Variants in ITPR1 observed in about 807,000 individuals in gnomAD.
ITPR1 encodes inositol 1,4,5-trisphosphate-gated calcium channel ITPR1.
In ITPR1, 96 loss-of-function variants were observed where a neutral mutation model predicts 318.4. That is an observed-to-expected ratio of 0.30 (90% CI 0.26 to 0.36). The LOEUF (loss-of-function observed/expected upper bound fraction) is 0.36, where lower values mean the gene tolerates loss of function less well. Ranked by LOEUF, ITPR1 falls within the 10% of genes least tolerant of loss-of-function variation. The pLI, the probability that ITPR1 is intolerant of heterozygous loss-of-function variation, is 1.00. For missense variants in ITPR1, 2,440 were observed against 3,460.2 expected (o/e 0.71, Z 7.40); for synonymous variants, 1,312 against 1,289.9 (o/e 1.02, Z -0.37).
chr3:4,527,191 T>A (rs1349985553), intron 4 of ITPR1, among the ~76,000 whole-genome samples: 1 of 152,150 alleles, frequency 6.6e-6, no homozygotes, highest in Admixed American at 6.5e-5. Context: ...TTTGTAGTTT[T>A]ATGGAGACAA....
In ITPR1 at chr3:4,663,155, G is replaced by A; in HGVS notation, c.1503G>A (p.Lys501=). Residue 501 remains lysine (K), a synonymous_variant, in exon 16 of 62, where the codon AAG becomes AAA. Coordinates refer to ENST00000649015, the MANE Select transcript of ITPR1 (RefSeq NM_001378452.1). ...GQDVLEVVFS[K]PNRERQKLMR... ...ATGTTCTCGAAGTTGTCTTCTCCAA[G>A]CCCAACAGAGAACGGCAGAAACTGA... 1 of 1,613,764 alleles carries A rather than the reference G, an allele frequency of 6.2e-7. No homozygotes were observed. Among genetic ancestry groups the A allele is most frequent in the Non-Finnish European group, 8.5e-7 (1 of 1,179,772 alleles).
intron 30 of ITPR1, among the ~76,000 whole-genome samples, chr3:4,686,082 C>A (rs913352594): frequency 2.0e-5 from 3 of 152,150 alleles, no homozygotes; most frequent in Non-Finnish European, 4.4e-5. Flanking sequence ...CCTCAAGACA[C>A]GTGGATGAGA....
intron 39 of ITPR1, among the ~76,000 whole-genome samples, chr3:4,713,105 A>G (rs776355356): frequency 1.3e-5 from 2 of 152,172 alleles, no homozygotes; most frequent in Admixed American, 6.5e-5. Flanking sequence ...GGTACGGGGG[A>G]AGGCTGATGG....
intron 60 of ITPR1, among the ~76,000 whole-genome samples, chr3:4,833,980 C>T (rs1287545913): frequency 1.3e-5 from 2 of 152,206 alleles, no homozygotes; most frequent in Non-Finnish European, 2.9e-5. Flanking sequence ...CAGCTTCGAC[C>T]TCCTGGGCTC....
At chr3:4,837,003 C>T in intron 61 of ITPR1, 68 bp downstream of exon 61, 4 of 1,339,424 alleles carry the variant, frequency 3.0e-6, no homozygotes, top group Non-Finnish European at 4.0e-6. Flanking sequence ...TATCACCACA[C>T]CAAATCTGAT....
intron 4 of ITPR1, among the ~76,000 whole-genome samples, chr3:4,534,011 T>C (rs1415960055): frequency 6.6e-6 from 1 of 152,218 alleles, no homozygotes; most frequent in Non-Finnish European, 1.5e-5. Context: ...AACGTGCTCC[T>C]TGCATGTTTA....
At chr3:4,663,301 C>A in intron 16 of ITPR1, 95 bp downstream of exon 16, 2 of 1,194,876 alleles carry the variant, frequency 1.7e-6, no homozygotes, top group Non-Finnish European at 1.2e-6. Flanking sequence ...CTTTGGGAAG[C>A]CGAGGTGGGA....
At chr3:4,654,412 G>A (rs973995248) in intron 12 of ITPR1, among the ~76,000 whole-genome samples, 7 of 152,214 alleles carry the variant, frequency 4.6e-5, no homozygotes, top group African/African-American at 1.7e-4. Flanking sequence ...TGTATAGGAT[G>A]GTTTAGAATT....
intron 33 of ITPR1, among the ~76,000 whole-genome samples, chr3:4,694,559 C>T (rs1218143141): frequency 1.3e-5 from 2 of 152,164 alleles, no homozygotes; most frequent in Admixed American, 6.5e-5. Context: ...ATACAGCGCA[C>T]TTACACAAAC....
chr3:4,624,434 C>T (rs1159360139), intron 4 of ITPR1, among the ~76,000 whole-genome samples: 1 of 152,022 alleles, frequency 6.6e-6, no homozygotes, highest in Non-Finnish European at 1.5e-5. Flanking sequence ...TTTGGGAGGC[C>T]AAGGTGGGTG....
Position 4,696,673 on chromosome 3 carries a change from G to GTT in ITPR1, c.4282-456_4282-455dup, listed in dbSNP as rs10546052. Among the ~76,000 whole-genome samples the GTT allele has an allele frequency of 2.5e-3, 293 of 117,186 alleles. 6 individuals are homozygous for GTT. Among genetic ancestry groups the GTT allele is most frequent in the East Asian group, 0.018 (71 of 4,026 alleles). 76.9% of individuals were successfully genotyped at this position (117,186 alleles called of 152,430 possible). On this transcript the variant is annotated intron_variant, in intron 33 of 61. Coordinates refer to ENST00000649015, the MANE Select transcript of ITPR1 (RefSeq NM_001378452.1). ...ATTGAAGTTGAGCCCCTTGCCGTGT[G>GTT]TTTTTTTTTTTTTTTTTTTGACATT...
chr3:4,748,176 C>A (rs2044243941), intron 44 of ITPR1, among the ~76,000 whole-genome samples: 1 of 152,164 alleles, frequency 6.6e-6, no homozygotes, highest in African/African-American at 2.4e-5. Context: ...GTTGGCAGAG[C>A]TGGGATTTGA....
chr3:4,694,203 C>T (rs1472667888), intron 33 of ITPR1, among the ~76,000 whole-genome samples: 1 of 150,590 alleles, frequency 6.6e-6, no homozygotes, highest in Non-Finnish European at 1.5e-5. Context: ...TAATGAATAC[C>T]TAAGTTTTGA....
chr3:4,581,670 T>C (rs1408329757), intron 4 of ITPR1, among the ~76,000 whole-genome samples: 1 of 152,210 alleles, frequency 6.6e-6, no homozygotes, highest in East Asian at 1.9e-4. Flanking sequence ...AAACCATTTG[T>C]GATGCAAAAA....
At chr3:4,699,366 A>C (rs988517792) in intron 34 of ITPR1, among the ~76,000 whole-genome samples, 2 of 152,098 alleles carry the variant, frequency 1.3e-5, no homozygotes, top group African/African-American at 4.8e-5. Context: ...CAAAACAAAA[A>C]AAGGATTGGA....
At chr3:4,495,238 G>T (rs2080458515) in intron 2 of ITPR1, among the ~76,000 whole-genome samples, 1 of 145,234 alleles carries the variant, frequency 6.9e-6, no homozygotes, top group Admixed American at 6.9e-5. Context: ...TGGCTATCAG[G>T]AGTTTTTTCT....
rs191052204 is a variant in ITPR1, at chr3:4,779,235, G to A, written c.6292-315G>A. ...TCACCATGAGGGTGACAGTGTATCC[G>A]TAAGCACCCACGTGTAAATTCCCAA... On this transcript the variant is annotated intron_variant, in intron 48 of 61. Coordinates refer to ENST00000649015, the MANE Select transcript of ITPR1 (RefSeq NM_001378452.1). This position sits in a 1 kb window ranked among gnomAD's most constrained non-coding sequence, Gnocchi z 4.0. Among the ~76,000 whole-genome samples the A allele has an allele frequency of 7.9e-5, 12 of 152,338 alleles. No individual in the cohort carries two copies. The highest frequency in any genetic ancestry group is 1.9e-4 in the East Asian group (1 of 5,182).
chr3:4,754,266 T>C (rs1267627051), intron 44 of ITPR1, among the ~76,000 whole-genome samples: 5 of 152,070 alleles, frequency 3.3e-5, no homozygotes, highest in Non-Finnish European at 7.4e-5. Context: ...ACGATGCAGA[T>C]TGCCACCCCC....
chr3:4,615,893 C>T (rs1313365672), intron 4 of ITPR1, among the ~76,000 whole-genome samples: 2 of 152,104 alleles, frequency 1.3e-5, no homozygotes, highest in Non-Finnish European at 2.9e-5. Flanking sequence ...GTGTTGTCAG[C>T]TCGAGTTTTC....
Sources: allele counts gnomAD v4.1 joint callset (sites outside exome capture counted in the v4.1 genomes callset), GRCh38; gene constraint gnomAD v4.1.1; non-coding constraint Gnocchi (gnomAD v3.1); transcripts MANE v1.5; gene names NCBI Gene and HGNC (gene_info 2026-07-23, HGNC 2026-07-21).